The following VWA8 variants were observed in gnomAD, a reference collection of about 807,000 sequenced individuals.
VWA8 encodes the protein von Willebrand factor A domain-containing protein 8.
Under a neutral mutation model 241.5 loss-of-function variants are expected in VWA8, and 221 were observed. That is an observed-to-expected ratio of 0.91 (90% confidence interval 0.82 to 1.02). The LOEUF is 1.02. VWA8 is among the 50% of genes least tolerant of loss of function. The probability of loss-of-function intolerance (pLI) is 0.00; values close to 1 mark genes in which losing one functional copy is unlikely to be tolerated. For synonymous variants in VWA8, 852 were observed against 827.1 expected (o/e 1.03, Z -0.52); for missense variants, 2,322 against 2,328.7 (o/e 1.00, Z 0.06).
In VWA8 at chr13:41,645,918, T is replaced by C. The variant is rs577769781; in HGVS notation, c.4611+25028A>G. Among the ~76,000 whole-genome samples the C allele has an allele frequency of 2.6e-5, 4 of 152,204 alleles. No homozygotes were observed. In the South Asian group the frequency reaches 8.3e-4, roughly 32 times the overall value. On this transcript the variant is annotated intron_variant, in intron 37 of 44. Transcript: ENST00000379310. ...ATTTCCAGGAGGGCAAAGAAGAGAA[T>C]GTATATGATTTTTCTTCTCACTTAA...
intron 21 of VWA8, among the ~76,000 whole-genome samples, chr13:41,751,352 A>G (rs2045655036): frequency 6.6e-6 from 1 of 152,200 alleles, no homozygotes; most frequent in Admixed American, 6.5e-5. Flanking sequence ...TTTCAAATTT[A>G]TAATGGGGAA....
At chr13:41,653,753 G>A (rs1778661861) in intron 37 of VWA8, among the ~76,000 whole-genome samples, 2 of 152,178 alleles carry the variant, frequency 1.3e-5, no homozygotes, top group South Asian at 4.1e-4. Flanking sequence ...CAGAAACAAA[G>A]TTGCCCACCT....
intron 22 of VWA8, among the ~76,000 whole-genome samples, chr13:41,730,335 A>G (rs1372672510): frequency 6.6e-6 from 1 of 152,198 alleles, no homozygotes; most frequent in Non-Finnish European, 1.5e-5. Context: ...AGAAATAGGT[A>G]CTGCCTCATT....
chr13:41,691,746 G>C, intron 31 of VWA8, 128 bp downstream of exon 31: 1 of 803,580 alleles, frequency 1.2e-6, no homozygotes. Context: ...ATGTGGGCAA[G>C]TTACTTTATA....
At chr13:41,644,347 T>A (rs1038389569) in intron 37 of VWA8, among the ~76,000 whole-genome samples, 1 of 152,090 alleles carries the variant, frequency 6.6e-6, no homozygotes, top group African/African-American at 2.4e-5. Flanking sequence ...TAATTAAATA[T>A]ATATTTTGTC....
chr13:41,587,395 T>G, intron 42 of VWA8, 117 bp downstream of exon 42: 1 of 1,349,824 alleles, frequency 7.4e-7, no homozygotes, highest in Non-Finnish European at 1.0e-6. Flanking sequence ...TTCTCTGCAC[T>G]GATGAATGAG....
chr13:41,657,978 A>G (rs1373034175), intron 37 of VWA8, among the ~76,000 whole-genome samples: 1 of 152,232 alleles, frequency 6.6e-6, no homozygotes, highest in Non-Finnish European at 1.5e-5. Flanking sequence ...GCATCTTTTA[A>G]AGGTTAAAAT....
rs556753869 is a variant in VWA8, at chr13:41,667,349, T to C, written c.4611+3597A>G. ...AAACATAAATTAGTTATCTTTTCCA[T>C]GTATTTCTTTCTATGCCTCACTCCT... On this transcript the variant is annotated intron_variant, in intron 37 of 44. Transcript: ENST00000379310. Among the ~76,000 whole-genome samples the C allele has an allele frequency of 1.6e-3, 242 of 152,334 alleles. 2 individuals are homozygous for C. The highest frequency in any genetic ancestry group is 5.5e-3 in the African/African-American group (228 of 41,592).
chr13:41,571,993 G>C (rs1263508600), intron 43 of VWA8, among the ~76,000 whole-genome samples: 1 of 152,078 alleles, frequency 6.6e-6, no homozygotes, highest in African/African-American at 2.4e-5. Context: ...GCCTCTGCCC[G>C]GTGGCGACCC....
At chr13:41,886,711 T>C in intron 7 of VWA8, 70 bp downstream of exon 7, 1 of 1,233,050 alleles carries the variant, frequency 8.1e-7, no homozygotes, top group Non-Finnish European at 1.2e-6. Context: ...AATTAATTAA[T>C]CAATCAATCA....
chr13:41,944,663 GTGA>G (rs1877766564), intron 2 of VWA8, among the ~76,000 whole-genome samples: 1 of 152,106 alleles, frequency 6.6e-6, no homozygotes, highest in Non-Finnish European at 1.5e-5. Flanking sequence ...AGTCACTGAA[GTGA>G]ACAGAACTAT....
intron 9 of VWA8, among the ~76,000 whole-genome samples, chr13:41,882,287 G>A (rs1220358465): frequency 4.6e-5 from 7 of 151,018 alleles, no homozygotes; most frequent in Admixed American, 2.0e-4. Flanking sequence ...AGATGGGATG[G>A]CGGCCGGGCA....
chr13:41,960,324 T>A (rs1207607879), intron 1 of VWA8, among the ~76,000 whole-genome samples: 1 of 152,212 alleles, frequency 6.6e-6, no homozygotes, highest in Admixed American at 6.5e-5. Flanking sequence ...CGTGAAACTT[T>A]AAGGAAAACT....
chr13:41,644,356 T>C (rs896994732), intron 37 of VWA8, among the ~76,000 whole-genome samples: 9 of 152,208 alleles, frequency 5.9e-5, no homozygotes, highest in African/African-American at 2.2e-4. Flanking sequence ...ATATATTTTG[T>C]CTAGTCTTAG....
At chr13:41,656,348 T>C (rs1468730205) in intron 37 of VWA8, among the ~76,000 whole-genome samples, 1 of 152,212 alleles carries the variant, frequency 6.6e-6, no homozygotes, top group African/African-American at 2.4e-5. Flanking sequence ...ACGTGAAATG[T>C]AGGCCCTTCA....
At chr13:41,928,762 A>G (rs1179169100) in intron 2 of VWA8, among the ~76,000 whole-genome samples, 2 of 152,098 alleles carry the variant, frequency 1.3e-5, no homozygotes, top group African/African-American at 2.4e-5. Context: ...AAACAGAAAA[A>G]CCATAGACAG....
intron 14 of VWA8, 28 bp downstream of exon 14, chr13:41,830,501 G>T (rs1490166662): frequency 2.0e-6 from 3 of 1,515,248 alleles, no homozygotes; most frequent in South Asian, 1.1e-5. Context: ...CAATAAATTA[G>T]CAATGGGAGT....
chr13:41,653,759 CA>C (rs2044883747), intron 37 of VWA8, among the ~76,000 whole-genome samples: 1 of 152,080 alleles, frequency 6.6e-6, no homozygotes, highest in Admixed American at 6.6e-5. Context: ...CAAAGTTGCC[CA>C]CCTATAGCCA....
At chr13:41,768,903 C>CT (rs34257749) in intron 20 of VWA8, among the ~76,000 whole-genome samples, 9,928 of 128,188 alleles carry the variant, frequency 0.077, 428 homozygotes, top group Non-Finnish European at 0.1. Context: ...AAAACAATGC[C>CT]TTTTTTTTTT....
Sources: gnomAD v4.1 joint callset for allele counts (sites outside exome capture counted in the v4.1 genomes callset) on GRCh38, gnomAD v4.1.1 for gene constraint, MANE v1.5 for transcripts, NCBI Gene and HGNC (gene_info 2026-07-23, HGNC 2026-07-21) for gene names.